AFG2A: variants seen among roughly 807,000 people sequenced by gnomAD.
AFG2A encodes the protein AAA ATPase AFG2A.
At chr4:122,938,106 T>C in the AFG2A span, 1 of 1,567,294 alleles carries the variant, frequency 6.4e-7, no homozygotes, top group Non-Finnish European at 8.6e-7. Flanking sequence ...AGAGATTTCA[T>C]TTTACTTGTT....
At chr4:123,300,300 C>T in the AFG2A span, among the ~76,000 whole-genome samples, 1 of 152,188 alleles carries the variant, frequency 6.6e-6, no homozygotes, top group Non-Finnish European at 1.5e-5. Context: ...CAAAGAATAA[C>T]TATAATGAAA....
chr4:123,252,944 G>A, the AFG2A span, among the ~76,000 whole-genome samples: 1 of 152,138 alleles, frequency 6.6e-6, no homozygotes, highest in African/African-American at 2.4e-5. Flanking sequence ...TGAGTGTTCA[G>A]TATTTCCTTT....
At chr4:122,964,582 A>T in the AFG2A span, among the ~76,000 whole-genome samples, 3 of 152,244 alleles carry the variant, frequency 2.0e-5, no homozygotes, top group African/African-American at 7.2e-5. Context: ...AATTTAGTAC[A>T]TTCCCTTATT....
the AFG2A span, among the ~76,000 whole-genome samples, chr4:123,162,401 A>T: frequency 1.3e-5 from 2 of 152,208 alleles, no homozygotes; most frequent in Non-Finnish European, 2.9e-5. Flanking sequence ...TATAGAGTAC[A>T]TGAGTATGTT....
At chr4:123,019,136 T>C in the AFG2A span, among the ~76,000 whole-genome samples, 5 of 152,294 alleles carry the variant, frequency 3.3e-5, no homozygotes, top group East Asian at 5.8e-4. Flanking sequence ...TAATTTAACA[T>C]ATGCTCTCCT....
chr4:123,172,513 A>G, the AFG2A span, among the ~76,000 whole-genome samples: 1,867 of 152,268 alleles, frequency 0.012, 42 homozygotes, highest in African/African-American at 0.043. Flanking sequence ...ACCTAAACCA[A>G]TTTCACTATC....
chr4:123,255,514 C>T, the AFG2A span, among the ~76,000 whole-genome samples: 129 of 135,832 alleles, frequency 9.5e-4, 2 homozygotes, highest in Non-Finnish European at 4.6e-4. Flanking sequence ...AAAAAAAAAA[C>T]ACCAAGTGCT....
chr4:123,122,511 C>T, the AFG2A span, among the ~76,000 whole-genome samples: 4 of 152,110 alleles, frequency 2.6e-5, no homozygotes, highest in African/African-American at 9.7e-5. Flanking sequence ...TGTATGGGTA[C>T]TCAAAGTAAG....
At chr4:123,217,141 T>G in the AFG2A span, among the ~76,000 whole-genome samples, 1 of 152,206 alleles carries the variant, frequency 6.6e-6, no homozygotes, top group South Asian at 2.1e-4. Context: ...TGTTACACAC[T>G]TCCTCATTTG....
chr4:123,074,364 AG>A, the AFG2A span, among the ~76,000 whole-genome samples: 1 of 151,212 alleles, frequency 6.6e-6, no homozygotes, highest in African/African-American at 2.4e-5. Context: ...CATTCTCATA[AG>A]GGGACTCTAT....
chr4:123,228,016 A>C, the AFG2A span, among the ~76,000 whole-genome samples: 20 of 152,140 alleles, frequency 1.3e-4, no homozygotes, highest in African/African-American at 4.8e-4. Context: ...CTGTTTTATC[A>C]GAGACTAGGA....
At chr4:122,945,450 G>A in the AFG2A span, among the ~76,000 whole-genome samples, 11 of 152,238 alleles carry the variant, frequency 7.2e-5, no homozygotes, top group African/African-American at 2.2e-4. Context: ...CTCCGAGCCA[G>A]GTGCGGGATA....
chr4:123,028,401 G>A, the AFG2A span: 1,514,851 of 1,613,580 alleles, frequency 0.94, 712,732 homozygotes, highest in East Asian at 0.96. Flanking sequence ...TAAAGGTAGG[G>A]TGTTAAATTT....
chr4:123,277,313 T>G, the AFG2A span, among the ~76,000 whole-genome samples: 1 of 152,164 alleles, frequency 6.6e-6, no homozygotes, highest in Non-Finnish European at 1.5e-5. Flanking sequence ...TGCTACTGAT[T>G]TTTGTACATT....
chr4:123,017,659 T>G, the AFG2A span, among the ~76,000 whole-genome samples: 1 of 152,116 alleles, frequency 6.6e-6, no homozygotes, highest in East Asian at 1.9e-4. Context: ...ACTTATGATT[T>G]CTAAACAAAA....
chr4:122,966,202 C>G, the AFG2A span, among the ~76,000 whole-genome samples: 1 of 152,188 alleles, frequency 6.6e-6, no homozygotes, highest in African/African-American at 2.4e-5. Flanking sequence ...AGTCCAGAAT[C>G]AATACTTCAG....
At chr4:122,961,209 A>G in the AFG2A span, among the ~76,000 whole-genome samples, 1 of 152,194 alleles carries the variant, frequency 6.6e-6, no homozygotes, top group South Asian at 2.1e-4. Context: ...GATAAGTGTC[A>G]CTTAATTTCT....
chr4:123,131,053 T>G, the AFG2A span, among the ~76,000 whole-genome samples: 2 of 80,956 alleles, frequency 2.5e-5, no homozygotes. Flanking sequence ...ATTTGTAATT[T>G]GAACATTTTG....
chr4:123,283,359 AG>A, the AFG2A span, among the ~76,000 whole-genome samples: 4,410 of 23,436 alleles, frequency 0.19, 108 homozygotes, highest in Non-Finnish European at 0.34. Flanking sequence ...GAAAAAAAAA[AG>A]AGAGAGAGAG....
Sources: allele counts gnomAD v4.1 joint callset (sites outside exome capture counted in the v4.1 genomes callset), GRCh38; gene constraint gnomAD v4.1.1; transcripts MANE v1.5; gene names NCBI Gene and HGNC (gene_info 2026-07-23, HGNC 2026-07-21).